Variants in ABCA9 observed in about 807,000 individuals in gnomAD.
ABCA9 encodes ATP-binding cassette sub-family A member 9.
Under a neutral mutation model 205.3 loss-of-function variants are expected in ABCA9, and 183 were observed. That is an observed-to-expected ratio of 0.89 (90% CI 0.79 to 1.01). The LOEUF is 1.01. Among genes scored for constraint, ABCA9 ranks in the 50% least tolerant of loss-of-function variants. ABCA9 has a pLI of 0.00. For synonymous variants in ABCA9, 651 were observed against 683.3 expected, an observed-to-expected ratio of 0.95 and a Z score of 0.74; for missense variants, 1,805 against 1,912.4, an observed-to-expected ratio of 0.94 and a Z score of 1.05.
At chr17:69,007,664 C>A in intron 25 of ABCA9, 95 bp downstream of exon 25, 1 of 756,804 alleles carries the variant, frequency 1.3e-6, no homozygotes, top group Non-Finnish European at 2.2e-6. Flanking sequence ...TTCTAGAGAG[C>A]AATAATAATT....
intron 16 of ABCA9, 84 bp from the exon 17 acceptor site, chr17:69,024,437 CTTTA>C: frequency 7.7e-7 from 1 of 1,306,430 alleles, no homozygotes; most frequent in Non-Finnish European, 1.0e-6. Flanking sequence ...GTGCTTGTCA[CTTTA>C]TTAATATTTA....
chr17:68,999,676 G>A (rs374868034), intron 25 of ABCA9, among the ~76,000 whole-genome samples: 1 of 151,966 alleles, frequency 6.6e-6, no homozygotes, highest in African/African-American at 2.4e-5. Context: ...GGTATTTCTA[G>A]TTCTAGATCC....
intron 31 of ABCA9, 157 bp from the exon 32 acceptor site, chr17:68,986,481 T>A: frequency 1.6e-6 from 1 of 643,146 alleles, no homozygotes; most frequent in Non-Finnish European, 2.4e-6. Flanking sequence ...GAAAAGGTGG[T>A]AAAAGCCCAC....
At chr17:69,077,506 A>C in the ABCA9 span, among the ~76,000 whole-genome samples, 10 of 152,332 alleles carry the variant, frequency 6.6e-5, no homozygotes, top group Admixed American at 2.0e-4. Flanking sequence ...TGTTCTATAG[A>C]TGCCTGTTAG....
In ABCA9 at chr17:69,025,015, A is replaced by G. The variant is rs115702248; in HGVS notation, c.2142-662T>C. Among the ~76,000 whole-genome samples, 625 of 152,276 alleles carry G rather than the reference A, an allele frequency of 4.1e-3. 4 individuals are homozygous for G. The highest frequency in any genetic ancestry group is 0.014 in the African/African-American group (601 of 41,556). On this transcript the variant is annotated intron_variant, in intron 16 of 38. Coordinates refer to ENST00000340001, the MANE Select transcript of ABCA9 (RefSeq NM_080283.4). ...ACAATTGACTGATGATACAAACCTA[A>G]AAAATCAGTTTGAAAAAAAGGCTAT...
intron 12 of ABCA9, 122 bp from the exon 13 acceptor site, chr17:69,027,937 G>C: frequency 1.3e-6 from 1 of 795,850 alleles, no homozygotes; most frequent in Non-Finnish European, 2.0e-6. Flanking sequence ...TTACTTGTAA[G>C]GAATATGCAA....
At chr17:69,012,602 T>G (rs981509559) in intron 22 of ABCA9, among the ~76,000 whole-genome samples, 2 of 152,030 alleles carry the variant, frequency 1.3e-5, no homozygotes, top group African/African-American at 2.4e-5. Flanking sequence ...AATTTAAAAT[T>G]TGTGGGTACA....
chr17:69,027,131 T>C lies in ABCA9; in HGVS notation c.1912-17A>G, dbSNP rs1257110431. On this transcript the variant is annotated splice_polypyrimidine_tract_variant and intron_variant, in intron 14 of 38. Coordinates refer to ENST00000340001, the MANE Select transcript of ABCA9 (RefSeq NM_080283.4). ...TAGCAAAACCTGGACAGGAGGAAAG[T>C]CCTAAAGTAATTCCACCCTTTCGGA... 6.2e-7 allele frequency: 1 copy of C among 1,611,946 alleles called. No individual in the cohort carries two copies. The highest frequency in any genetic ancestry group is 1.3e-5 in the African/African-American group (1 of 74,820).
At chr17:69,067,636 CAA>C in the ABCA9 span, among the ~76,000 whole-genome samples, 2 of 147,554 alleles carry the variant, frequency 1.4e-5, no homozygotes, top group African/African-American at 2.5e-5. Flanking sequence ...AAGAAAGAAA[CAA>C]AGAGAAAGAA....
In ABCA9 at chr17:69,016,353, A is replaced by G. The variant is rs2070613460; in HGVS notation, c.2939T>C (p.Leu980Pro). 1.9e-6 allele frequency: 3 copies of G among 1,603,706 alleles called. No individual in the cohort carries two copies. The highest frequency in any genetic ancestry group is 1.7e-6 in the Non-Finnish European group (2 of 1,176,464). The change falls in exon 22 of 39, where the codon CTG (leucine) becomes CCG (proline). Residue 980 changes from leucine (L) to proline (P), a missense_variant. Transcript: ENST00000340001. ...RFSIACNTKR[L>P]NCFPVLLDVI... ...ATCCAGGAGGACAGGAAAGCAATTC[A>G]GCCGTTTTGTATTACATGCTATTGA...
intron 30 of ABCA9, among the ~76,000 whole-genome samples, chr17:68,989,593 T>A (rs1402274801): frequency 6.6e-6 from 1 of 152,216 alleles, no homozygotes; most frequent in Non-Finnish European, 1.5e-5. Flanking sequence ...CTTTTCATTG[T>A]TGTTGTTCTG....
chr17:69,046,901 AT>A (rs1267469098), intron 3 of ABCA9, among the ~76,000 whole-genome samples: 3 of 116,940 alleles, frequency 2.6e-5, no homozygotes, highest in African/African-American at 1.1e-4. Flanking sequence ...ATATATATAT[AT>A]ATATATATAT....
upstream of ABCA9, among the ~76,000 whole-genome samples, chr17:69,062,537 G>T (rs980367871): frequency 6.6e-6 from 1 of 152,002 alleles, no homozygotes; most frequent in African/African-American, 2.4e-5. Flanking sequence ...TTGAGACGGA[G>T]TTTCCCTCTG....
At chr17:69,070,068 G>A in the ABCA9 span, among the ~76,000 whole-genome samples, 1 of 151,980 alleles carries the variant, frequency 6.6e-6, no homozygotes. Context: ...AACTATCATT[G>A]TAAAACAAAT....
chr17:69,069,576 T>C, the ABCA9 span, among the ~76,000 whole-genome samples: 5 of 152,014 alleles, frequency 3.3e-5, no homozygotes, highest in East Asian at 1.9e-4. Context: ...AAGAAGAGAA[T>C]TGGTGATGCA....
At chr17:69,068,787 CTAAA>C in the ABCA9 span, among the ~76,000 whole-genome samples, 2 of 152,056 alleles carry the variant, frequency 1.3e-5, no homozygotes, top group Non-Finnish European at 1.5e-5. Flanking sequence ...TATTAGTGAA[CTAAA>C]TAAATATTGA....
At chr17:69,047,616 T>C (rs2071761102) in intron 3 of ABCA9, among the ~76,000 whole-genome samples, 1 of 152,118 alleles carries the variant, frequency 6.6e-6, no homozygotes, top group Admixed American at 6.5e-5. Flanking sequence ...TCTCTCCCCA[T>C]GCTATCATTC....
At chr17:69,041,481 A>T (rs1256118334) in intron 6 of ABCA9, among the ~76,000 whole-genome samples, 1 of 152,102 alleles carries the variant, frequency 6.6e-6, no homozygotes, top group African/African-American at 2.4e-5. Flanking sequence ...AGGCAGGTGG[A>T]TCACTTGAGG....
the ABCA9 span, among the ~76,000 whole-genome samples, chr17:69,077,499 T>C: frequency 2.8e-4 from 42 of 152,332 alleles, no homozygotes; most frequent in African/African-American, 9.1e-4. Flanking sequence ...AGTGAAGTGT[T>C]CTATAGATGC....
Sources: allele counts gnomAD v4.1 joint callset (sites outside exome capture counted in the v4.1 genomes callset), GRCh38; gene constraint gnomAD v4.1.1; transcripts MANE v1.5; gene names NCBI Gene and HGNC (gene_info 2026-07-23, HGNC 2026-07-21).